The following PEG3 variants were observed in gnomAD, a reference collection of about 807,000 sequenced individuals.
The protein encoded by PEG3 is paternally-expressed gene 3 protein.
In PEG3, 23 loss-of-function variants were observed where a neutral mutation model predicts 35.5. The observed-to-expected ratio is 0.65, with a 90% CI of 0.47 to 0.92. The LOEUF (loss-of-function observed/expected upper bound fraction) is 0.92. PEG3 is among the 40% of genes least tolerant of loss of function. The pLI is 0.00. For synonymous variants in PEG3, 707 were observed against 697.0 expected, an observed-to-expected ratio of 1.01 and a Z score of -0.23; for missense variants, 1,960 against 1,985.3, an observed-to-expected ratio of 0.99 and a Z score of 0.24.
At chr19:56,818,971 GA>G (rs2060229442) in intron 7 of PEG3, among the ~76,000 whole-genome samples, 2 of 152,180 alleles carry the variant, frequency 1.3e-5, no homozygotes, top group African/African-American at 4.8e-5. Context: ...AAAGACTCAT[GA>G]AACAATTAGA....
At position 56,813,822 on chromosome 19, in the gene PEG3, C is replaced by A. The variant is rs1434329159; in HGVS notation, c.4620G>T (p.Gly1540=). ...MIIFEPANAF[G]ECSGYIERAS... is the part of the protein sequence containing the mutation. ...CACGTTCGATGTAGCCTGAGCACTC[C>A]CCAAAGGCATTTGCAGGCTCAAATA... The change falls in exon 10 of 10, where the codon GGG becomes GGT. Residue 1540 remains glycine (G), a synonymous_variant. Transcript: ENST00000326441. 3 of 1,614,088 alleles carry A rather than the reference C, an allele frequency of 1.9e-6. No homozygotes were observed. The highest frequency in any genetic ancestry group is 2.5e-6 in the Non-Finnish European group (3 of 1,180,008).
In PEG3 at chr19:56,826,700, A is replaced by G. The variant is rs551302968; in HGVS notation, c.-162-237T>C. Among the ~76,000 whole-genome samples the G allele has an allele frequency of 7.2e-5, 11 of 152,328 alleles. No individual in the cohort carries two copies. In the East Asian group the frequency reaches 1.9e-3, roughly 27 times the overall value. On this transcript the variant is annotated intron_variant, in intron 2 of 9. Transcript: ENST00000326441. ...AACAAGTCAAAAACGCAAGACAAAG[A>G]TATCACTAAGAAACCACGAACCAAA...
rs572040017 is a variant in PEG3 at position 56,812,473 on chromosome 19, G to C, written c.*1202C>G. 1.0e-6 allele frequency: 1 copy of C among 984,224 alleles called. No homozygotes were observed. The highest frequency in any genetic ancestry group is 1.8e-5 in the African/African-American group (1 of 57,088). The allele number at this position is 984,224 out of a possible 1,614,324, so 61.0% of individuals were successfully genotyped here. ...GGAGTTAGAGGGTCAGATAAATAAC[G>C]AAGAGAATTAAGTTAGCGATAGAAA... On this transcript the variant is annotated 3_prime_UTR_variant, in exon 10 of 10. Transcript: ENST00000326441.
At chr19:56,824,077 A>G (rs1192540038) in intron 4 of PEG3, among the ~76,000 whole-genome samples, 185 bp downstream of exon 4, 1 of 152,138 alleles carries the variant, frequency 6.6e-6, no homozygotes, top group African/African-American at 2.4e-5. Flanking sequence ...GTGTGGAGAC[A>G]CTTTTGGTGG....
chr19:56,838,634 C>G (rs537578616), intron 1 of PEG3, among the ~76,000 whole-genome samples: 1 of 152,218 alleles, frequency 6.6e-6, no homozygotes, highest in Non-Finnish European at 1.5e-5. Flanking sequence ...ACACAGCGAG[C>G]GCGGTGATAA....
intron 3 of PEG3, among the ~76,000 whole-genome samples, chr19:56,825,890 A>G (rs2060977540): frequency 6.6e-6 from 1 of 152,210 alleles, no homozygotes; most frequent in African/African-American, 2.4e-5. Context: ...ATCACTTGCA[A>G]ATCAATGTGG....
At position 56,818,434 on chromosome 19, in the gene PEG3, C is replaced by A. The variant is rs111385762; in HGVS notation, c.772+166G>T. ...AAGCCAGAGGCATTTCTTAAAAACA[C>A]AAATTTTATCATTTACTCCCTCATT... On this transcript the variant is annotated intron_variant, in intron 8 of 9. Transcript: ENST00000326441. 5.1e-3 allele frequency among the ~76,000 whole-genome samples: 777 copies of A among 152,302 alleles called. 4 individuals are homozygous for A. The highest frequency in any genetic ancestry group is 9.1e-3 in the Admixed American group (140 of 15,302).
At chr19:56,821,317 G>A (rs2060464596) in intron 7 of PEG3, among the ~76,000 whole-genome samples, 2 of 152,198 alleles carry the variant, frequency 1.3e-5, no homozygotes, top group South Asian at 4.1e-4. Flanking sequence ...CAGACCCACA[G>A]CTTTCCTGGC....
At chr19:56,836,171 AC>A in intron 1 of PEG3, 67 bp from the exon 2 acceptor site, 1 of 425,566 alleles carries the variant, frequency 2.3e-6, no homozygotes, top group Non-Finnish European at 4.8e-6. Context: ...TCAGGGGGGA[AC>A]AATACCACAA....
rs1291291873 is a variant in PEG3 at position 56,816,225 on chromosome 19, T to C, written c.2217A>G (p.Arg739=). 2 of 1,614,036 alleles carry C rather than the reference T, an allele frequency of 1.2e-6. No homozygotes were observed. The highest frequency in any genetic ancestry group is 8.5e-7 in the Non-Finnish European group (1 of 1,179,944). The stretch of plus-strand genomic sequence containing the variant: ...TTTCGTCCTCATCACTTTCAAGAGG[T>C]CTTGTTATAGTATGACTCTTCTGAG... The part of the protein sequence containing the change: ...TESQKSHTIT[R]PLESDEDEKA... The change falls in exon 10 of 10, where the codon AGA becomes AGG. Residue 739 remains arginine (R), a synonymous_variant. Transcript: ENST00000326441.
chr19:56,836,761 G>A (rs2062153141), intron 1 of PEG3, among the ~76,000 whole-genome samples: 1 of 152,176 alleles, frequency 6.6e-6, no homozygotes, highest in African/African-American at 2.4e-5. Context: ...CTGAGGTCAG[G>A]AGTTCGAGAC....
chr19:56,820,597 C>A (rs1395353376), intron 7 of PEG3, among the ~76,000 whole-genome samples: 1 of 152,152 alleles, frequency 6.6e-6, no homozygotes, highest in Non-Finnish European at 1.5e-5. Context: ...CCTCCCCCAA[C>A]ACCTGACCCG....
intron 1 of PEG3, among the ~76,000 whole-genome samples, chr19:56,837,585 A>G (rs1336002912): frequency 6.6e-6 from 1 of 152,202 alleles, no homozygotes; most frequent in Non-Finnish European, 1.5e-5. Context: ...GGAGGAAGTA[A>G]GGCGCCACCA....
intron 1 of PEG3, among the ~76,000 whole-genome samples, chr19:56,838,277 T>G (rs1448357269): frequency 6.6e-6 from 1 of 151,608 alleles, no homozygotes; most frequent in Non-Finnish European, 1.5e-5. Context: ...CCCTAGTCAC[T>G]GAGAAAGCCC....
chr19:56,820,569 C>T (rs1455377052), intron 7 of PEG3, among the ~76,000 whole-genome samples: 1 of 152,194 alleles, frequency 6.6e-6, no homozygotes, highest in African/African-American at 2.4e-5. Flanking sequence ...GCTGAGCTCT[C>T]CCTAATGCCT....
In PEG3 at chr19:56,816,773, A is replaced by G. The variant is rs191932140; in HGVS notation, c.1669T>C (p.Tyr557His). ...SPTFSELQKI[Y>H]GKDKFYECRV... ...CACTCGTAGAATTTGTCTTTGCCATATATTTTCTGAAGCTCACTAAAGGTG... is the reference window on the plus strand; with the variant it reads ...CACTCGTAGAATTTGTCTTTGCCATGTATTTTCTGAAGCTCACTAAAGGTG... The change falls in exon 10 of 10, where the codon TAT becomes CAT. Residue 557 changes from tyrosine (Y) to histidine (H), a missense_variant. By Grantham distance (83) the Tyr-to-His change is moderately conservative. Coordinates refer to ENST00000326441, the MANE Select transcript of PEG3 (RefSeq NM_006210.3). The G allele has an allele frequency of 2.4e-5, 38 of 1,614,092 alleles. No homozygotes were observed. The Admixed American group carries it at 4.5e-4, about 19-fold the overall frequency.
chr19:56,815,996 G>C lies in PEG3; in HGVS notation c.2446C>G (p.Gln816Glu). The change falls in exon 10 of 10, where the codon CAG (glutamine) becomes GAG (glutamate). Residue 816 changes from glutamine to glutamate, a missense_variant. Physicochemically the swap from Gln to Glu is conservative, Grantham distance 29 (BLOSUM62 2). Around this residue, in one of 5 missense-constraint regions of PEG3, gnomAD observed 798 missense variants for 782.4 expected, o/e 1.02. Coordinates refer to ENST00000326441, the MANE Select transcript of PEG3 (RefSeq NM_006210.3). The stretch of plus-strand genomic sequence containing the variant: ...GTGTTCCCTCCAGCACGAACTCTCT[G>C]ATGGTTGATAGCATCGAAGCTCTGA... The part of the protein sequence containing the change: ...TIQSFDAINH[Q>E]RVRAGGNTSE... The C allele has an allele frequency of 1.3e-6, 2 of 1,587,988 alleles. No homozygotes were observed. The highest frequency in any genetic ancestry group is 2.3e-5 in the South Asian group (2 of 86,176).
In PEG3 at chr19:56,814,296, T is replaced by G; in HGVS notation, c.4146A>C (p.Gln1382His). The G allele has an allele frequency of 6.2e-7, 1 of 1,614,020 alleles. No individual in the cohort carries two copies. Among genetic ancestry groups the G allele is most frequent in the Non-Finnish European group, 8.5e-7 (1 of 1,180,022 alleles). Residue 1382 changes from glutamine to histidine, a missense_variant, in exon 10 of 10, where the codon CAA (glutamine) becomes CAC (histidine). Gln to His is a conservative substitution (Grantham distance 24, BLOSUM62 0). Transcript: ENST00000326441. This position sits in a 1 kb window ranked among gnomAD's most constrained non-coding sequence, Gnocchi z 5.8. ...QEVEANVHVP[Q>H]VVLRIQGLNV... ...TTAAGCCCTGAATCCTCAGAACTAC[T>G]TGTGGAACATGGACATTGGCTTCAA...
chr19:56,826,877 T>C (rs2061094044), intron 2 of PEG3, among the ~76,000 whole-genome samples: 1 of 152,240 alleles, frequency 6.6e-6, no homozygotes, highest in Non-Finnish European at 1.5e-5. Context: ...TACACATATA[T>C]ATGCTTCTAT....
Sources: allele counts gnomAD v4.1 joint callset (sites outside exome capture counted in the v4.1 genomes callset), GRCh38; gene constraint gnomAD v4.1.1; regional missense constraint gnomAD v4.1.1; non-coding constraint Gnocchi (gnomAD v3.1); transcripts MANE v1.5; gene names NCBI Gene and HGNC (gene_info 2026-07-23, HGNC 2026-07-21).